DIAPH3: variants seen among roughly 807,000 people sequenced by gnomAD.
The protein encoded by DIAPH3 is diaphanous related formin 3, also known as protein diaphanous homolog 3.
In DIAPH3, 117 loss-of-function variants were observed where a neutral mutation model predicts 144.3. The ratio of observed to expected loss-of-function variants is 0.81; its 90% CI spans 0.70 to 0.95. The LOEUF is 0.95. DIAPH3 is among the 40% of genes least tolerant of loss of function. The pLI is 0.00. For synonymous variants in DIAPH3, 519 were observed against 488.9 expected (o/e 1.06, Z -0.81); for missense variants, 1,421 against 1,412.7 (o/e 1.01, Z -0.09).
At chr13:60,090,202 T>G (rs920966858) in intron 4 of DIAPH3, among the ~76,000 whole-genome samples, 1 of 152,212 alleles carries the variant, frequency 6.6e-6, no homozygotes. Context: ...CACGTTCCCA[T>G]GCCCTGAAAG....
At chr13:60,030,711 T>A (rs73216391) in intron 5 of DIAPH3, among the ~76,000 whole-genome samples, 3,361 of 152,192 alleles carry the variant, frequency 0.022, 63 homozygotes, top group Non-Finnish European at 0.033. Flanking sequence ...GCACAAGAAA[T>A]GTTTTTCTGA....
At chr13:59,718,649 T>C (rs2035184188) in intron 27 of DIAPH3, among the ~76,000 whole-genome samples, 1 of 152,204 alleles carries the variant, frequency 6.6e-6, no homozygotes, top group Non-Finnish European at 1.5e-5. Context: ...AACATTAATA[T>C]TAACACATGT....
chr13:59,709,691 T>G (rs948203745), intron 27 of DIAPH3, among the ~76,000 whole-genome samples: 2 of 152,198 alleles, frequency 1.3e-5, no homozygotes, highest in African/African-American at 4.8e-5. Flanking sequence ...GTGTGGCGAT[T>G]CCTCAGGGAT....
At chr13:59,991,002 C>T (rs1397073617) in intron 12 of DIAPH3, among the ~76,000 whole-genome samples, 156 bp downstream of exon 12, 1 of 151,854 alleles carries the variant, frequency 6.6e-6, no homozygotes, top group Non-Finnish European at 1.5e-5. Flanking sequence ...CCATCGTCTA[C>T]CTAAATATAT....
intron 27 of DIAPH3, among the ~76,000 whole-genome samples, chr13:59,691,634 T>G (rs2138689025): frequency 6.6e-6 from 1 of 152,222 alleles, no homozygotes; most frequent in South Asian, 2.1e-4. Context: ...TGTATATAGA[T>G]CAATTTTAGT....
At chr13:60,104,166 TGTC>T (rs2058347457) in intron 3 of DIAPH3, among the ~76,000 whole-genome samples, 1 of 152,204 alleles carries the variant, frequency 6.6e-6, no homozygotes, top group Non-Finnish European at 1.5e-5. Context: ...ATATTCAAGA[TGTC>T]TATAAATACA....
chr13:59,776,890 A>C (rs1323946718), intron 25 of DIAPH3, among the ~76,000 whole-genome samples: 3 of 152,170 alleles, frequency 2.0e-5, no homozygotes, highest in Non-Finnish European at 2.9e-5. Flanking sequence ...GTTGGATTGG[A>C]TGTATAGGTA....
intron 27 of DIAPH3, among the ~76,000 whole-genome samples, chr13:59,686,600 G>T (rs547544898): frequency 1.1e-3 from 165 of 151,912 alleles, no homozygotes; most frequent in African/African-American, 3.7e-3. Context: ...ACAAAACATG[G>T]TATTCATTTT....
At position 60,042,753 on chromosome 13, in the gene DIAPH3, G is replaced by A. The variant is rs774168456; in HGVS notation, c.563C>T (p.Ala188Val). ...CAGGCATGTGACAAGTCTCTCATCT[G>A]CAGACCCCATTTTCAGCTCATGAAT... The part of the protein sequence containing the change: ...EFIHELKMGS[A>V]DERLVTCLES... The change falls in exon 5 of 28, where the codon GCA (alanine) becomes GTA (valine). Residue 188 changes from alanine (A) to valine (V), a missense_variant. Transcript: ENST00000400324. 5 of 1,613,670 alleles carry A rather than the reference G, an allele frequency of 3.1e-6. No homozygotes were observed. Among genetic ancestry groups the A allele is most frequent in the East Asian group, 2.2e-5 (1 of 44,794 alleles).
chr13:59,747,446 T>C (rs1475684517), intron 27 of DIAPH3, among the ~76,000 whole-genome samples: 2 of 152,216 alleles, frequency 1.3e-5, no homozygotes, highest in Admixed American at 6.5e-5. Context: ...CATCATGAGA[T>C]GTAACTCCTT....
At chr13:59,746,598 G>C (rs992686319) in intron 27 of DIAPH3, among the ~76,000 whole-genome samples, 3 of 152,090 alleles carry the variant, frequency 2.0e-5, no homozygotes, top group African/African-American at 7.2e-5. Flanking sequence ...TAAAAGGTGA[G>C]AGTTATTCCA....
chr13:59,841,585 C>T (rs190403399), intron 22 of DIAPH3, among the ~76,000 whole-genome samples: 3 of 152,204 alleles, frequency 2.0e-5, no homozygotes, highest in Admixed American at 2.0e-4. Flanking sequence ...CAGAGCAAGA[C>T]CCTGTCTCTT....
At chr13:59,835,482 A>T (rs1040779135) in intron 23 of DIAPH3, among the ~76,000 whole-genome samples, 3 of 151,808 alleles carry the variant, frequency 2.0e-5, no homozygotes, top group African/African-American at 7.2e-5. Flanking sequence ...TGAGCTGTCC[A>T]TTGGGTAGTA....
intron 2 of DIAPH3, among the ~76,000 whole-genome samples, chr13:60,128,700 C>T (rs2059056358): frequency 6.6e-6 from 1 of 151,780 alleles, no homozygotes; most frequent in African/African-American, 2.4e-5. Flanking sequence ...AGTTTCTGTG[C>T]AGGCCAATGT....
intron 17 of DIAPH3, among the ~76,000 whole-genome samples, chr13:59,939,646 G>C (rs1046374967): frequency 2.0e-5 from 3 of 152,082 alleles, no homozygotes; most frequent in Admixed American, 6.6e-5. Flanking sequence ...CATTTACCCA[G>C]GACCAGAGAC....
intron 27 of DIAPH3, among the ~76,000 whole-genome samples, chr13:59,669,516 G>A (rs768019492): frequency 1.1e-4 from 16 of 152,166 alleles, no homozygotes; most frequent in Non-Finnish European, 2.4e-4. Context: ...CCTCCTGTTA[G>A]GATGAATCAA....
At chr13:59,867,910 C>T (rs183304967) in intron 21 of DIAPH3, among the ~76,000 whole-genome samples, 1 of 152,094 alleles carries the variant, frequency 6.6e-6, no homozygotes, top group East Asian at 1.9e-4. Context: ...GATTAGAATA[C>T]AAATATATTT....
At position 60,159,871 on chromosome 13, in the gene DIAPH3, T is replaced by C. The variant is rs528260169; in HGVS notation, c.180+3716A>G. ...GCTTGGCTCACTCAGAAAGGTTAACTAGTATTACCATCAATGCCCAAACAT... is the reference window on the plus strand; with the variant it reads ...GCTTGGCTCACTCAGAAAGGTTAACCAGTATTACCATCAATGCCCAAACAT... On this transcript the variant is annotated intron_variant, in intron 1 of 27. Transcript: ENST00000400324. Among the ~76,000 whole-genome samples, 33 of 152,232 alleles carry C rather than the reference T, an allele frequency of 2.2e-4. 1 individual carries two copies. The highest frequency in any genetic ancestry group is 7.9e-4 in the African/African-American group (33 of 41,554).
At chr13:59,906,943 C>T (rs1289242063) in intron 20 of DIAPH3, among the ~76,000 whole-genome samples, 1 of 152,054 alleles carries the variant, frequency 6.6e-6, no homozygotes, top group Non-Finnish European at 1.5e-5. Flanking sequence ...CAAAGAAAGC[C>T]TACAAATACA....
Sources: gnomAD v4.1 joint callset for allele counts (sites outside exome capture counted in the v4.1 genomes callset) on GRCh38, gnomAD v4.1.1 for gene constraint, MANE v1.5 for transcripts, NCBI Gene and HGNC (gene_info 2026-07-23, HGNC 2026-07-21) for gene names.